Variants in MECOM observed in about 807,000 individuals in gnomAD.
MECOM encodes MDS1 and EVI1 complex locus, also known as histone-lysine N-methyltransferase MECOM.
MECOM carries 13 observed loss-of-function variants against 116.3 expected under a neutral mutation model. The observed-to-expected ratio is 0.11, with a 90% CI of 0.07 to 0.18. The LOEUF (loss-of-function observed/expected upper bound fraction) is 0.18, where lower values mean the gene tolerates loss of function less well. MECOM is among the 10% of genes least tolerant of loss of function. MECOM has a pLI of 1.00. For missense variants in MECOM, 1,299 were observed against 1,509.0 expected (o/e 0.86, Z 2.31); for synonymous variants, 528 against 535.2 (o/e 0.99, Z 0.19).
chr3:169,274,459 T>A (rs1303071973), intron 2 of MECOM, among the ~76,000 whole-genome samples: 3 of 152,172 alleles, frequency 2.0e-5, no homozygotes, highest in Non-Finnish European at 2.9e-5. Flanking sequence ...ACTAGCTGAA[T>A]GTAGCACAGG....
intron 1 of MECOM, among the ~76,000 whole-genome samples, chr3:169,446,428 C>A (rs1744640726): frequency 6.6e-6 from 1 of 152,120 alleles, no homozygotes; most frequent in African/African-American, 2.4e-5. Flanking sequence ...CTGAGGCTTC[C>A]CCAGCCATGT....
chr3:169,296,590 T>C (rs1715650381), intron 2 of MECOM, among the ~76,000 whole-genome samples: 1 of 152,108 alleles, frequency 6.6e-6, no homozygotes, highest in African/African-American at 2.4e-5. Context: ...CACGCCTAGT[T>C]CCCCTAAAGA....
chr3:169,602,133 A>T (rs1191677114), intron 1 of MECOM, among the ~76,000 whole-genome samples: 3 of 152,214 alleles, frequency 2.0e-5, no homozygotes, highest in Non-Finnish European at 4.4e-5. Flanking sequence ...TTAGAAACAG[A>T]GATATACTCT....
intron 2 of MECOM, among the ~76,000 whole-genome samples, chr3:169,301,804 T>A (rs149314578): frequency 3.3e-4 from 50 of 152,274 alleles, no homozygotes; most frequent in African/African-American, 1.2e-3. Context: ...TACAAACTAA[T>A]CCTTCATTTA....
intron 7 of MECOM, among the ~76,000 whole-genome samples, chr3:169,120,274 G>A (rs904808145): frequency 6.6e-6 from 1 of 152,188 alleles, no homozygotes; most frequent in Non-Finnish European, 1.5e-5. Flanking sequence ...TAAAATGTTT[G>A]AGCACAATAC....
intron 1 of MECOM, among the ~76,000 whole-genome samples, chr3:169,508,509 TACAC>T (rs1755575453): frequency 1.4e-5 from 2 of 146,350 alleles, no homozygotes; most frequent in Non-Finnish European, 3.0e-5. Context: ...TAAACACACA[TACAC>T]ACTCACACAC....
At chr3:169,335,045 C>T (rs1191166259) in intron 2 of MECOM, among the ~76,000 whole-genome samples, 3 of 152,166 alleles carry the variant, frequency 2.0e-5, no homozygotes, top group Non-Finnish European at 4.4e-5. Flanking sequence ...AAATGGCCCC[C>T]ACTGGTTTAT....
intron 1 of MECOM, among the ~76,000 whole-genome samples, chr3:169,524,042 A>G (rs1317203762): frequency 1.1e-5 from 1 of 88,564 alleles, no homozygotes; most frequent in Non-Finnish European, 2.2e-5. Flanking sequence ...ATGAATAAAT[A>G]TATATATATA....
chr3:169,391,959 A>G (rs1471245884), intron 1 of MECOM, among the ~76,000 whole-genome samples: 1 of 152,208 alleles, frequency 6.6e-6, no homozygotes, highest in East Asian at 1.9e-4. Context: ...GGCCTCTTCT[A>G]TATAAATTAC....
At chr3:169,336,582 T>G (rs904794040) in intron 2 of MECOM, among the ~76,000 whole-genome samples, 2 of 152,084 alleles carry the variant, frequency 1.3e-5, no homozygotes, top group Non-Finnish European at 2.9e-5. Flanking sequence ...GATTCTCCAT[T>G]AAAACACTGT....
At chr3:169,092,919 C>T (rs1720222941) in intron 14 of MECOM, 39 bp downstream of exon 14, 1 of 1,610,686 alleles carries the variant, frequency 6.2e-7, no homozygotes, top group Non-Finnish European at 8.5e-7. Context: ...ATGTTCATTT[C>T]AGTCGTCACA....
At chr3:169,170,943 A>G (rs56327988) in intron 2 of MECOM, among the ~76,000 whole-genome samples, 10,669 of 152,260 alleles carry the variant, frequency 0.07, 466 homozygotes, top group South Asian at 0.19. Context: ...ACATTACAGA[A>G]CAGCCTTCCA....
chr3:169,292,274 A>T (rs539741600), intron 2 of MECOM, among the ~76,000 whole-genome samples: 1 of 152,284 alleles, frequency 6.6e-6, no homozygotes, highest in East Asian at 1.9e-4. Context: ...GCAGGGTAGC[A>T]GTGAGCTGAG....
At chr3:169,628,130 A>G (rs1771609828) in intron 1 of MECOM, among the ~76,000 whole-genome samples, 1 of 152,174 alleles carries the variant, frequency 6.6e-6, no homozygotes, top group Non-Finnish European at 1.5e-5. Flanking sequence ...AAACTTCGAG[A>G]CAGACACCTC....
intron 2 of MECOM, among the ~76,000 whole-genome samples, chr3:169,247,413 C>G (rs1470653480): frequency 6.6e-6 from 1 of 152,042 alleles, no homozygotes; most frequent in Non-Finnish European, 1.5e-5. Context: ...TCAAGTGATT[C>G]TCCTGCTTCA....
At chr3:169,097,121 C>T (rs13094430) in intron 12 of MECOM, among the ~76,000 whole-genome samples, 37,752 of 151,924 alleles carry the variant, frequency 0.25, 4,897 homozygotes, top group Non-Finnish European at 0.28. Flanking sequence ...AGTAAACGTA[C>T]TCCCACAAAA....
At chr3:169,434,157 T>C (rs1460214397) in intron 1 of MECOM, among the ~76,000 whole-genome samples, 1 of 152,224 alleles carries the variant, frequency 6.6e-6, no homozygotes, top group African/African-American at 2.4e-5. Flanking sequence ...ATTGTATAAA[T>C]AGATTCTGAG....
chr3:169,635,784 C>G (rs1481118583), intron 1 of MECOM, among the ~76,000 whole-genome samples: 2 of 152,162 alleles, frequency 1.3e-5, no homozygotes, highest in African/African-American at 4.8e-5. Flanking sequence ...AGGGAAGGAT[C>G]ATTTTCATAA....
At chr3:169,237,915 A>G (rs907739634) in intron 2 of MECOM, among the ~76,000 whole-genome samples, 4 of 152,096 alleles carry the variant, frequency 2.6e-5, no homozygotes, top group African/African-American at 9.7e-5. Flanking sequence ...GTTGGCTCAC[A>G]CCTGTAATCC....
Sources: allele counts gnomAD v4.1 joint callset (sites outside exome capture counted in the v4.1 genomes callset), GRCh38; gene constraint gnomAD v4.1.1; transcripts MANE v1.5; gene names NCBI Gene and HGNC (gene_info 2026-07-23, HGNC 2026-07-21).